ZNF430: variants seen among roughly 807,000 people sequenced by gnomAD.
The protein encoded by ZNF430 is zinc finger protein 430.
ZNF430 carries 35 observed loss-of-function variants against 56.7 expected under a neutral mutation model. The observed-to-expected ratio is 0.62, with a 90% CI of 0.47 to 0.82. ZNF430 has a LOEUF of 0.82. Ranked by LOEUF, ZNF430 falls within the 40% of genes least tolerant of loss-of-function variation. The pLI is 0.00. For missense variants in ZNF430, 574 were observed against 661.0 expected (o/e 0.87, Z 1.44); for synonymous variants, 212 against 224.3 (o/e 0.94, Z 0.49).
At position 21,057,362 on chromosome 19, in the gene ZNF430, A is replaced by G; in HGVS notation, c.1054A>G (p.Lys352Glu). ...EKPYKCEECG[K>E]AFNQSSTLTT... ...ACCCTACAAATGTGAAGAATGTGGC[A>G]AAGCTTTTAACCAATCCTCAACCCT... The change falls in exon 5 of 5, where the codon AAA becomes GAA. Residue 352 changes from lysine to glutamate, a missense_variant. Around this residue, in one of 3 missense-constraint regions of ZNF430, gnomAD observed 15 missense variants for 40.9 expected, o/e 0.37. Coordinates refer to ENST00000261560, the MANE Select transcript of ZNF430 (RefSeq NM_025189.4). 1 of 1,613,582 alleles carries G rather than the reference A, an allele frequency of 6.2e-7. No individual in the cohort carries two copies. Among genetic ancestry groups the G allele is most frequent in the Non-Finnish European group, 8.5e-7 (1 of 1,179,988 alleles).
At chr19:21,029,246 G>A (rs1206802260) in intron 2 of ZNF430, among the ~76,000 whole-genome samples, 1 of 152,020 alleles carries the variant, frequency 6.6e-6, no homozygotes, top group Admixed American at 6.6e-5. Flanking sequence ...GAATAGATGT[G>A]TCCAAAAAAA....
At chr19:21,026,829 T>TTTC (rs1239997226) in intron 2 of ZNF430, among the ~76,000 whole-genome samples, 2 of 75,354 alleles carry the variant, frequency 2.7e-5, no homozygotes, top group African/African-American at 8.3e-5. Context: ...TTTCTTTTCT[T>TTTC]TTTTTTTTTT....
rs185903039 is a variant in ZNF430, at chr19:21,032,925, G to A, written c.97-531G>A. Among the ~76,000 whole-genome samples the A allele has an allele frequency of 2.8e-4, 43 of 152,260 alleles. 1 individual carries two copies. Among genetic ancestry groups the A allele is most frequent in the African/African-American group, 9.1e-4 (38 of 41,556 alleles). On this transcript the variant is annotated intron_variant, in intron 2 of 4. Coordinates refer to ENST00000261560, the MANE Select transcript of ZNF430 (RefSeq NM_025189.4). ...TTATGATGTAAATATAGCACTCGAA[G>A]TGTACAAATTTTTGTTTATGCCCTT...
intron 2 of ZNF430, among the ~76,000 whole-genome samples, chr19:21,026,827 CTTTTT>C (rs747809260): frequency 8.7e-5 from 6 of 68,728 alleles, no homozygotes; most frequent in East Asian, 5.2e-4. Flanking sequence ...CTTTTCTTTT[CTTTTT>C]TTTTTTTTTT....
intron 4 of ZNF430, among the ~76,000 whole-genome samples, chr19:21,038,050 T>G (rs1209443094): frequency 6.6e-6 from 1 of 152,152 alleles, no homozygotes; most frequent in Admixed American, 6.5e-5. Context: ...TGTGCAGAAA[T>G]TTTGAAGTAT....
At position 21,057,999 on chromosome 19, in the gene ZNF430, G is replaced by A; in HGVS notation, c.1691G>A (p.Trp564Ter). Residue 564 changes from tryptophan to a stop codon, truncating the protein, a stop_gained, in exon 5 of 5, where the codon TGG becomes TAG. Coordinates refer to ENST00000261560, the MANE Select transcript of ZNF430 (RefSeq NM_025189.4). LOFTEE classifies it high-confidence loss of function. ...SNLIEQSNSY[W>*]RETLQM ...CTTATTGAACAAAGTAATTCATACT[G>A]GAGAGAAACCCTACAAATGTGAAGA... 3 of 1,612,116 alleles carry A rather than the reference G, an allele frequency of 1.9e-6. No homozygotes were observed. In the Middle Eastern group the frequency reaches 5.0e-4, roughly 267 times the overall value.
chr19:21,058,410 C>G lies in ZNF430; in HGVS notation c.*389C>G, dbSNP rs1877538102. 1 of 164,006 alleles carries G rather than the reference C, an allele frequency of 6.1e-6. No homozygotes were observed. The highest frequency in any genetic ancestry group is 5.9e-5 in the Admixed American group (1 of 16,940). 10.2% of individuals were successfully genotyped at this position (164,006 alleles called of 1,614,324 possible). ...AGTGAGCTGAGATCGCGCCATTGCA[C>G]TCCAGCCTGGGCAACAAGAGTGGCA... On this transcript the variant is annotated 3_prime_UTR_variant, in exon 5 of 5. Coordinates refer to ENST00000261560, the MANE Select transcript of ZNF430 (RefSeq NM_025189.4).
At chr19:21,041,854 C>G (rs569914658) in intron 4 of ZNF430, among the ~76,000 whole-genome samples, 20 of 152,286 alleles carry the variant, frequency 1.3e-4, no homozygotes, top group African/African-American at 4.1e-4. Context: ...GCTGGGATTA[C>G]AGGCATGCAC....
At chr19:21,021,783 T>C (rs1253959675) in intron 1 of ZNF430, among the ~76,000 whole-genome samples, 1 of 151,760 alleles carries the variant, frequency 6.6e-6, no homozygotes, top group Non-Finnish European at 1.5e-5. Context: ...ATTTTGTGTC[T>C]TTCAATGTAG....
chr19:21,026,476 C>T (rs921635197), intron 2 of ZNF430, among the ~76,000 whole-genome samples: 4 of 152,106 alleles, frequency 2.6e-5, no homozygotes, highest in Non-Finnish European at 4.4e-5. Context: ...CGTGAGCCAC[C>T]GTGCCCGGCC....
chr19:21,032,429 C>T (rs1239511832), intron 2 of ZNF430, among the ~76,000 whole-genome samples: 2 of 152,090 alleles, frequency 1.3e-5, no homozygotes, highest in Non-Finnish European at 2.9e-5. Context: ...TGCATCAGCA[C>T]ATCATAAAAA....
chr19:21,048,130 G>A (rs890275418), intron 4 of ZNF430, among the ~76,000 whole-genome samples: 2 of 124,588 alleles, frequency 1.6e-5, no homozygotes, highest in African/African-American at 2.9e-5. Context: ...GAAGTATAAT[G>A]TAATCATCTT....
chr19:21,057,564 A>G lies in ZNF430; in HGVS notation c.1256A>G (p.His419Arg), dbSNP rs1244573322. The change falls in exon 5 of 5, where the codon CAT (histidine) becomes CGT (arginine). Residue 419 changes from histidine (H) to arginine (R), a missense_variant. Physicochemically the swap from His to Arg is conservative, Grantham distance 29 (BLOSUM62 0). Around this residue, in one of 3 missense-constraint regions of ZNF430, gnomAD observed 213 missense variants for 221.0 expected, o/e 0.96. Coordinates refer to ENST00000261560, the MANE Select transcript of ZNF430 (RefSeq NM_025189.4). ...GFNWSSTLTK[H>R]KRIHTGEKPY... ...AATTGGTCCTCGACCCTTACTAAACATAAAAGAATTCATACTGGAGAGAAA... is the reference window on the plus strand; with the variant it reads ...AATTGGTCCTCGACCCTTACTAAACGTAAAAGAATTCATACTGGAGAGAAA... 7.4e-6 allele frequency: 12 copies of G among 1,613,406 alleles called. No homozygotes were observed. The highest frequency in any genetic ancestry group is 2.2e-5 in the East Asian group (1 of 44,852).
chr19:21,034,796 C>T (rs1967969332), intron 4 of ZNF430: 1 of 152,226 alleles, frequency 6.6e-6, no homozygotes, highest in Non-Finnish European at 1.5e-5. Flanking sequence ...GCCTTGGCCT[C>T]CCAAAGTACT....
At position 21,034,094 on chromosome 19, in the gene ZNF430, G is replaced by C. The variant is rs1172519864; in HGVS notation, c.232G>C (p.Ala78Pro). The C allele has an allele frequency of 1.2e-6, 2 of 1,612,334 alleles. No individual in the cohort carries two copies. The highest frequency in any genetic ancestry group is 1.7e-6 in the Non-Finnish European group (2 of 1,178,986). Reference sequence around the variant, plus strand: ...ATTTATTTTCAATAAAGCAGGTATTGCTGTTTCTAAGCCAGACCTGATCAC... The same window carrying C: ...ATTTATTTTCAATAAAGCAGGTATTCCTGTTTCTAAGCCAGACCTGATCAC... Reference protein sequence around the residue: ...YRNLVFLAGIAVSKPDLITCL... With the variant: ...YRNLVFLAGIPVSKPDLITCL... Residue 78 changes from alanine to proline, a missense_variant, in exon 4 of 5, where the codon GCT (alanine) becomes CCT (proline). Ala to Pro is a conservative substitution (Grantham distance 27). Transcript: ENST00000261560.
chr19:21,034,304 A>C, intron 4 of ZNF430, 120 bp downstream of exon 4: 1 of 813,812 alleles, frequency 1.2e-6, no homozygotes, highest in Non-Finnish European at 1.9e-6. Context: ...GGGAAGCCTG[A>C]GTTTTTTTTT....
At position 21,057,514 on chromosome 19, in the gene ZNF430, A is replaced by G. The variant is rs1357063935; in HGVS notation, c.1206A>G (p.Lys402=). 2.5e-6 allele frequency: 4 copies of G among 1,613,614 alleles called. No homozygotes were observed. Among genetic ancestry groups the G allele is most frequent in the Non-Finnish European group, 3.4e-6 (4 of 1,179,944 alleles). Residue 402 remains lysine (K), a synonymous_variant, in exon 5 of 5, where the codon AAA becomes AAG. Transcript: ENST00000261560. ...TTCATACTGGAGAGAAATTCTACAA[A>G]TGTGAAGAATGTGGCAAAGGCTTTA... ...KIIHTGEKFY[K]CEECGKGFNW... is the part of the protein sequence containing the mutation.
rs757826292 is a variant in ZNF430, at chr19:21,058,059, A to C, written c.*38A>C. 6 of 1,566,850 alleles carry C rather than the reference A, an allele frequency of 3.8e-6. No individual in the cohort carries two copies. The highest frequency in any genetic ancestry group is 5.2e-6 in the Non-Finnish European group (6 of 1,153,834). ...AGCCTCTAACCCGTCCTGAATTCTT[A>C]CTAAACATAAGAACATTCATACTGA... On this transcript the variant is annotated 3_prime_UTR_variant, in exon 5 of 5. Transcript: ENST00000261560.
intron 2 of ZNF430, among the ~76,000 whole-genome samples, chr19:21,031,846 T>C (rs1967907543): frequency 6.6e-6 from 1 of 152,224 alleles, no homozygotes; most frequent in Non-Finnish European, 1.5e-5. Flanking sequence ...TCTCGATTTG[T>C]GTTTTTCCTT....
Sources: allele counts gnomAD v4.1 joint callset (sites outside exome capture counted in the v4.1 genomes callset), GRCh38; gene constraint gnomAD v4.1.1; regional missense constraint gnomAD v4.1.1; transcripts MANE v1.5; gene names NCBI Gene and HGNC (gene_info 2026-07-23, HGNC 2026-07-21).